Variants in THBS4 observed in about 807,000 individuals in gnomAD.
THBS4 encodes the protein thrombospondin-4.
A neutral mutation model predicts 115.7 loss-of-function variants in THBS4; 90 were observed. The ratio of observed to expected loss-of-function variants is 0.78; its 90% CI spans 0.66 to 0.93. THBS4 has a LOEUF of 0.93. Among genes scored for constraint, THBS4 ranks in the 40% least tolerant of loss-of-function variants. THBS4 has a pLI of 0.00. For synonymous variants in THBS4, 460 were observed against 479.3 expected (o/e 0.96, Z 0.53); for missense variants, 1,087 against 1,232.7 (o/e 0.88, Z 1.77).
intron 17 of THBS4, 95 bp downstream of exon 17, chr5:80,078,322 G>A: frequency 9.1e-7 from 1 of 1,104,696 alleles, no homozygotes; most frequent in Non-Finnish European, 1.2e-6. Flanking sequence ...CAGACAATAA[G>A]CCAGGCATTC....
intron 21 of THBS4, 79 bp downstream of exon 21, chr5:80,082,624 T>TC (rs59301311): frequency 0.15 from 240,109 of 1,549,518 alleles, 20,354 homozygotes; most frequent in East Asian, 0.29. Flanking sequence ...ATACCGCACT[T>TC]CCCCCCCAAA....
At chr5:79,992,083 A>G (rs1335929038) in intron 1 of THBS4, among the ~76,000 whole-genome samples, 1 of 152,156 alleles carries the variant, frequency 6.6e-6, no homozygotes, top group Non-Finnish European at 1.5e-5. Flanking sequence ...CTGCATTTTT[A>G]TTTTGGACTG....
At chr5:80,082,989 C>A in intron 21 of THBS4, 91 bp from the exon 22 acceptor site, 1 of 1,141,874 alleles carries the variant, frequency 8.8e-7, no homozygotes, top group Non-Finnish European at 1.3e-6. Flanking sequence ...GCTAACAGCG[C>A]CCCCTACAGG....
intron 2 of THBS4, among the ~76,000 whole-genome samples, chr5:80,020,499 CAAAA>C (rs376768590): frequency 6.6e-4 from 100 of 152,026 alleles, no homozygotes; most frequent in African/African-American, 2.2e-3. Context: ...AACAAACAAA[CAAAA>C]AAAGAAAGTG....
intron 2 of THBS4, among the ~76,000 whole-genome samples, chr5:80,009,377 A>G (rs528947125): frequency 2.0e-5 from 3 of 152,374 alleles, no homozygotes; most frequent in African/African-American, 7.2e-5. Flanking sequence ...GAATTTTGCT[A>G]AAGTGTTGTT....
chr5:80,058,470 A>G (rs2241825), intron 4 of THBS4, among the ~76,000 whole-genome samples, 156 bp downstream of exon 4: 82,628 of 152,050 alleles, frequency 0.54, 22,791 homozygotes, highest in African/African-American at 0.63. Flanking sequence ...TCCAGGGCAC[A>G]GAATATTTTC....
At chr5:80,080,267 C>G (rs2112173105) in intron 20 of THBS4, 190 bp downstream of exon 20, 1 of 652,016 alleles carries the variant, frequency 1.5e-6, no homozygotes, top group East Asian at 2.8e-5. Context: ...GTCAGACCAC[C>G]CGGACAGGAC....
chr5:80,061,420 T>G (rs116835771), intron 7 of THBS4, among the ~76,000 whole-genome samples: 1 of 152,320 alleles, frequency 6.6e-6, no homozygotes, highest in African/African-American at 2.4e-5. Flanking sequence ...ATCAGGGAGC[T>G]TATTACATTG....
chr5:80,037,994 A>T (rs941775041), intron 1 of THBS4, among the ~76,000 whole-genome samples: 5 of 152,196 alleles, frequency 3.3e-5, no homozygotes, highest in Non-Finnish European at 7.4e-5. Flanking sequence ...GACCCCTGGT[A>T]CATGTGAAAA....
At chr5:80,058,686 T>C in intron 4 of THBS4, 22 bp from the exon 5 acceptor site, 1 of 1,612,656 alleles carries the variant, frequency 6.2e-7, no homozygotes, top group Non-Finnish European at 8.5e-7. Context: ...TGAAAACTCT[T>C]TGCCTTTTGC....
At chr5:80,082,639 C>A in intron 21 of THBS4, 94 bp downstream of exon 21, 1 of 1,482,656 alleles carries the variant, frequency 6.7e-7, no homozygotes, top group Non-Finnish European at 9.3e-7. Flanking sequence ...CCCAAAAGCC[C>A]AACGCTCATA....
chr5:80,022,080 C>T (rs1161942279), intron 2 of THBS4, among the ~76,000 whole-genome samples: 1 of 151,918 alleles, frequency 6.6e-6, no homozygotes, highest in East Asian at 1.9e-4. Context: ...GGCTTTTCAC[C>T]CTAGGATGTC....
At position 80,080,579 on chromosome 5, in the gene THBS4, C is replaced by CTTTTTTTTTTTTTTTTTTT. The variant is rs67048630; in HGVS notation, c.2684+509_2684+527dup. ...AACTGCATGAGAGCAGCGCTTGTAT[C>CTTTTTTTTTTTTTTTTTTT]TTTTTTTTTTTTTTTTTTTTTTTTT... On this transcript the variant is annotated intron_variant, in intron 20 of 21. Transcript: ENST00000350881. Among the ~76,000 whole-genome samples the CTTTTTTTTTTTTTTTTTTT allele has an allele frequency of 4.8e-3, 242 of 50,492 alleles. 58 individuals carry two copies. Among genetic ancestry groups the CTTTTTTTTTTTTTTTTTTT allele is most frequent in the East Asian group, 0.024 (25 of 1,052 alleles). The allele number at this position is 50,492 out of a possible 152,430, so 33.1% of individuals were successfully genotyped here. A position where few individuals can be genotyped will look rare whatever the true frequency, so the allele number is the denominator to read the frequency against.
chr5:80,053,549 C>G (rs1475810921), intron 2 of THBS4, among the ~76,000 whole-genome samples: 1 of 152,152 alleles, frequency 6.6e-6, no homozygotes, highest in African/African-American at 2.4e-5. Context: ...CTAAATTACC[C>G]TCCAGAAAAG....
At chr5:80,027,626 C>T (rs749740602) in intron 2 of THBS4, among the ~76,000 whole-genome samples, 3 of 151,952 alleles carry the variant, frequency 2.0e-5, no homozygotes, top group Non-Finnish European at 4.4e-5. Context: ...CAGGACACAG[C>T]GGCTCACACC....
chr5:80,030,612 C>T (rs531562021), upstream of THBS4, among the ~76,000 whole-genome samples: 19 of 152,240 alleles, frequency 1.2e-4, no homozygotes, highest in South Asian at 2.1e-4. Context: ...TGTGATCCAC[C>T]GGCCTCGGCC....
At chr5:80,045,146 G>C (rs1298310150) in intron 2 of THBS4, among the ~76,000 whole-genome samples, 1 of 152,180 alleles carries the variant, frequency 6.6e-6, no homozygotes. Context: ...CAGTATTAGA[G>C]ACAGATTTCC....
chr5:79,995,503 G>A (rs1385165927), intron 1 of THBS4, among the ~76,000 whole-genome samples: 2 of 152,070 alleles, frequency 1.3e-5, no homozygotes, highest in Admixed American at 1.3e-4. Context: ...AAATGGGACA[G>A]GACTGAAAGA....
intron 1 of THBS4, among the ~76,000 whole-genome samples, chr5:80,037,634 A>C (rs1314898246): frequency 6.6e-6 from 1 of 152,228 alleles, no homozygotes; most frequent in East Asian, 1.9e-4. Flanking sequence ...CATAGATTGA[A>C]ATACCGCAAG....
Sources: allele counts gnomAD v4.1 joint callset (sites outside exome capture counted in the v4.1 genomes callset), GRCh38; gene constraint gnomAD v4.1.1; transcripts MANE v1.5; gene names NCBI Gene and HGNC (gene_info 2026-07-23, HGNC 2026-07-21).